The following OPCML variants were observed in gnomAD, a reference collection of about 807,000 sequenced individuals.
OPCML encodes the protein opioid binding protein/cell adhesion molecule like, also known as opioid-binding protein/cell adhesion molecule.
OPCML carries 13 observed loss-of-function variants against 37.8 expected under a neutral mutation model. That is an observed-to-expected ratio of 0.34 (90% CI 0.22 to 0.55). OPCML has a LOEUF of 0.55. OPCML is among the 20% of genes least tolerant of loss of function. The probability of loss-of-function intolerance (pLI) is 0.91; values close to 1 mark genes in which losing one functional copy is unlikely to be tolerated. For missense variants in OPCML, 341 were observed against 435.6 expected, an observed-to-expected ratio of 0.78 and a Z score of 1.93; for synonymous variants, 176 against 168.8, an observed-to-expected ratio of 1.04 and a Z score of -0.33.
chr11:133,310,357 C>T (rs1249497545), intron 1 of OPCML, among the ~76,000 whole-genome samples: 1 of 152,124 alleles, frequency 6.6e-6, no homozygotes, highest in East Asian at 1.9e-4. Flanking sequence ...TCTCTCTATG[C>T]ATATTTCAGT....
chr11:133,492,489 A>G (rs946728833), intron 1 of OPCML, among the ~76,000 whole-genome samples: 3 of 152,164 alleles, frequency 2.0e-5, no homozygotes, highest in Non-Finnish European at 4.4e-5. Context: ...GGCTAAAATC[A>G]TGGGTAAAAA....
chr11:132,557,095 A>G (rs960553163), intron 3 of OPCML, among the ~76,000 whole-genome samples: 6 of 152,224 alleles, frequency 3.9e-5, no homozygotes, highest in Admixed American at 2.6e-4. Context: ...TTGACTGGGT[A>G]TCTATGAAAA....
intron 1 of OPCML, among the ~76,000 whole-genome samples, chr11:133,251,710 A>G (rs910460660): frequency 6.6e-6 from 1 of 152,170 alleles, no homozygotes; most frequent in Non-Finnish European, 1.5e-5. Context: ...AAAATCCTGT[A>G]TCTGAGAACC....
intron 1 of OPCML, among the ~76,000 whole-genome samples, chr11:133,181,080 G>T (rs1219983738): frequency 6.6e-6 from 1 of 152,138 alleles, no homozygotes; most frequent in African/African-American, 2.4e-5. Context: ...AATTTCATTT[G>T]TGTAACACTT....
At chr11:132,444,476 C>T (rs966170997) in intron 4 of OPCML, among the ~76,000 whole-genome samples, 4 of 152,174 alleles carry the variant, frequency 2.6e-5, no homozygotes, top group Admixed American at 2.0e-4. Context: ...GCTCATATAA[C>T]CTGAGTCTTG....
chr11:132,634,538 G>A (rs1251072032), intron 3 of OPCML, among the ~76,000 whole-genome samples: 1 of 152,164 alleles, frequency 6.6e-6, no homozygotes, highest in Non-Finnish European at 1.5e-5. Flanking sequence ...CAAGGGAAGG[G>A]TCATACAGTG....
intron 1 of OPCML, among the ~76,000 whole-genome samples, chr11:133,233,904 C>G (rs1940400952): frequency 6.6e-6 from 1 of 152,208 alleles, no homozygotes; most frequent in Non-Finnish European, 1.5e-5. Flanking sequence ...CCCCCACCCC[C>G]TGCCCAGACC....
At chr11:133,294,894 G>T (rs1025968555) in intron 1 of OPCML, among the ~76,000 whole-genome samples, 5 of 143,608 alleles carry the variant, frequency 3.5e-5, no homozygotes, top group African/African-American at 5.3e-5. Context: ...TGCAGTCTCG[G>T]CCCACTGCAA....
intron 3 of OPCML, among the ~76,000 whole-genome samples, chr11:132,543,980 G>A (rs2096363223): frequency 6.6e-6 from 1 of 151,902 alleles, no homozygotes; most frequent in Non-Finnish European, 1.5e-5. Context: ...AAGGCAGGGG[G>A]GTCTGTGACT....
At chr11:133,312,545 T>C (rs1488427750) in intron 1 of OPCML, among the ~76,000 whole-genome samples, 1 of 152,186 alleles carries the variant, frequency 6.6e-6, no homozygotes, top group Non-Finnish European at 1.5e-5. Flanking sequence ...GCTCAGCCTG[T>C]GTAAACACAG....
chr11:132,814,660 C>G (rs1056013233), intron 2 of OPCML, among the ~76,000 whole-genome samples: 2 of 152,144 alleles, frequency 1.3e-5, no homozygotes, highest in Admixed American at 1.3e-4. Flanking sequence ...TTTCACAGAC[C>G]CACTCAAAAA....
At chr11:132,542,893 C>T (rs1236249325) in intron 3 of OPCML, among the ~76,000 whole-genome samples, 1 of 152,172 alleles carries the variant, frequency 6.6e-6, no homozygotes, top group Non-Finnish European at 1.5e-5. Context: ...GATCACTGTG[C>T]CTCACCCCTG....
intron 2 of OPCML, among the ~76,000 whole-genome samples, chr11:132,676,920 G>A (rs1942736698): frequency 6.6e-6 from 1 of 151,156 alleles, no homozygotes; most frequent in African/African-American, 2.4e-5. Context: ...AAGAAAAAAA[G>A]CAAACTGATT....
At chr11:132,564,136 G>T (rs79951818) in intron 3 of OPCML, among the ~76,000 whole-genome samples, 2 of 152,202 alleles carry the variant, frequency 1.3e-5, no homozygotes, top group African/African-American at 4.8e-5. Flanking sequence ...CTGCTCTCCC[G>T]ATTGATCTTG....
chr11:133,156,471 A>G (rs1400232368), intron 1 of OPCML, among the ~76,000 whole-genome samples: 1 of 152,208 alleles, frequency 6.6e-6, no homozygotes, highest in Non-Finnish European at 1.5e-5. Flanking sequence ...CCAAGAGACC[A>G]GCCAGCTGAG....
At chr11:132,692,282 G>T (rs1466211143) in intron 2 of OPCML, among the ~76,000 whole-genome samples, 1 of 152,082 alleles carries the variant, frequency 6.6e-6, no homozygotes, top group Non-Finnish European at 1.5e-5. Flanking sequence ...GGAGAAGGTT[G>T]GTGTGTCCAG....
At chr11:132,626,249 T>C (rs1939730575) in intron 3 of OPCML, among the ~76,000 whole-genome samples, 1 of 151,826 alleles carries the variant, frequency 6.6e-6, no homozygotes, top group African/African-American at 2.4e-5. Context: ...AAACAGATTC[T>C]GAAAGATGAT....
At chr11:132,607,667 A>T (rs1018846138) in intron 3 of OPCML, among the ~76,000 whole-genome samples, 5 of 152,240 alleles carry the variant, frequency 3.3e-5, no homozygotes, top group Non-Finnish European at 5.9e-5. Flanking sequence ...TTCCAGCTTC[A>T]GCTCGGTGAG....
chr11:132,726,913 G>A (rs2135996666), intron 2 of OPCML, among the ~76,000 whole-genome samples: 1 of 152,208 alleles, frequency 6.6e-6, no homozygotes, highest in African/African-American at 2.4e-5. Context: ...TAGTTGTTCA[G>A]TATAAAATAA....
Sources: allele counts gnomAD v4.1 joint callset (sites outside exome capture counted in the v4.1 genomes callset), GRCh38; gene constraint gnomAD v4.1.1; transcripts MANE v1.5; gene names NCBI Gene and HGNC (gene_info 2026-07-23, HGNC 2026-07-21).